Variants in NADK observed in about 807,000 individuals in gnomAD.
The protein encoded by NADK is poly(P)/ATP NAD kinase.
In NADK, 22 loss-of-function variants were observed where a neutral mutation model predicts 49.8. That is an observed-to-expected ratio of 0.44 (90% confidence interval 0.32 to 0.63). The LOEUF is 0.63. NADK is among the 30% of genes least tolerant of loss of function. NADK has a pLI of 0.06. For missense variants in NADK, 438 were observed against 609.4 expected, an observed-to-expected ratio of 0.72 and a Z score of 2.96; for synonymous variants, 268 against 253.7, an observed-to-expected ratio of 1.06 and a Z score of -0.54.
intron 2 of NADK, among the ~76,000 whole-genome samples, chr1:1,764,900 CAA>C (rs1312499069): frequency 6.6e-6 from 1 of 151,988 alleles, no homozygotes; most frequent in African/African-American, 2.4e-5. Context: ...GACTCAGTCT[CAA>C]AAAAAAGTTT....
In NADK at chr1:1,752,908, C is replaced by CCCT. The variant is rs71578334; in HGVS notation, c.1334_1336dup (p.Glu445dup). ...GGGCCTGGATAGGGGCTTGACCTAG[C>CCCT]CCTCCTCCTCCTCCTCCTCCTCCTC... On this transcript the variant is annotated inframe_insertion, in exon 12 of 12. Coordinates refer to ENST00000341426, the MANE Select transcript of NADK (RefSeq NM_023018.5). 0.4 allele frequency: 602,441 copies of CCCT among 1,525,002 alleles called. 80,559 individuals are homozygous for CCCT. Among genetic ancestry groups the CCCT allele is most frequent in the Admixed American group, 0.47 (24,022 of 51,626 alleles). 94.5% of individuals were successfully genotyped at this position (1,525,002 alleles called of 1,614,324 possible). A position where few individuals can be genotyped will look rare whatever the true frequency, so the allele number is the denominator to read the frequency against.
intron 3 of NADK, chr1:1,758,332 G>C (rs758063972): frequency 1.9e-6 from 3 of 1,584,842 alleles, no homozygotes; most frequent in Non-Finnish European, 2.6e-6. Flanking sequence ...TTAGCCCATC[G>C]CTTGTGACCT....
chr1:1,757,309 G>C lies in NADK; in HGVS notation c.265C>G (p.His89Asp), dbSNP rs778452853. Reference sequence around the variant, plus strand: ...CGCTGGCTCGCGGGGTCCTGAATGTGCCTTTAGGGGAGGAGAAAAGAGTTC... The same window carrying C: ...CGCTGGCTCGCGGGGTCCTGAATGTCCCTTTAGGGGAGGAGAAAAGAGTTC... ...CVLQNPQTIMHIQDPASQRLT... is the reference protein window; with the variant it reads ...CVLQNPQTIMDIQDPASQRLT... Residue 89 changes from histidine to aspartate, a missense_variant and splice_region_variant, in exon 4 of 12, where the codon CAC (histidine) becomes GAC (aspartate). His to Asp is a moderately conservative substitution (Grantham distance 81). Coordinates refer to ENST00000341426, the MANE Select transcript of NADK (RefSeq NM_023018.5). 1 of 1,612,626 alleles carries C rather than the reference G, an allele frequency of 6.2e-7. No individual in the cohort carries two copies. The highest frequency in any genetic ancestry group is 1.1e-5 in the South Asian group (1 of 91,054).
intron 1 of NADK, among the ~76,000 whole-genome samples, chr1:1,776,450 C>A (rs1268936060): frequency 7.3e-6 from 1 of 136,606 alleles, no homozygotes; most frequent in African/African-American, 2.4e-5. Context: ...AACCCACCTC[C>A]AAGTTCAAAT....
At chr1:1,775,518 C>T (rs945742887) in intron 1 of NADK, among the ~76,000 whole-genome samples, 5 of 152,192 alleles carry the variant, frequency 3.3e-5, no homozygotes, top group African/African-American at 9.7e-5. Context: ...GAAAGTGCTA[C>T]AGCCATGTGA....
At position 1,758,546 on chromosome 1, in the gene NADK, CTG is replaced by C. The variant is rs773379184; in HGVS notation, c.264-1238_264-1237del. ...GGCCGCCCCATCGGTATGGTCCTGACTGTGCGCCCACACTAGAAGCCTAAGCT... is the reference window on the plus strand; with the variant it reads ...GGCCGCCCCATCGGTATGGTCCTGACTGCGCCCACACTAGAAGCCTAAGCT... On this transcript the variant is annotated intron_variant, in intron 3 of 11. Coordinates refer to ENST00000341426, the MANE Select transcript of NADK (RefSeq NM_023018.5). 1.9e-6 allele frequency: 3 copies of C among 1,583,924 alleles called. No homozygotes were observed. In the South Asian group the frequency reaches 3.4e-5, roughly 18 times the overall value.
At chr1:1,773,289 G>A (rs886949579) in intron 1 of NADK, among the ~76,000 whole-genome samples, 49 of 150,954 alleles carry the variant, frequency 3.2e-4, no homozygotes, top group Non-Finnish European at 5.2e-4. Context: ...ACAGGTGCCC[G>A]CCGCCACACC....
intron 1 of NADK, among the ~76,000 whole-genome samples, chr1:1,776,901 ACT>A (rs1175771341): frequency 1.3e-5 from 2 of 150,974 alleles, no homozygotes; most frequent in African/African-American, 2.4e-5. Context: ...ACACAGTGAG[ACT>A]CTATCTCTAC....
chr1:1,759,047 C>T, intron 3 of NADK: 1 of 1,470,744 alleles, frequency 6.8e-7, no homozygotes, highest in Non-Finnish European at 9.1e-7. Context: ...GCCAGCAAAG[C>T]CCCCGCCCTG....
chr1:1,758,868 C>G (rs1464567483), intron 3 of NADK, among the ~76,000 whole-genome samples: 1 of 152,200 alleles, frequency 6.6e-6, no homozygotes, highest in Non-Finnish European at 1.5e-5. Flanking sequence ...CTCGCCCCAG[C>G]ACTGCGCCAG....
chr1:1,770,151 G>GT (rs1003029625), intron 1 of NADK, among the ~76,000 whole-genome samples: 5 of 151,670 alleles, frequency 3.3e-5, no homozygotes, highest in African/African-American at 1.2e-4. Context: ...TCCAGCCTGG[G>GT]TGACAGAGTG....
chr1:1,760,064 G>A (rs974879104), intron 3 of NADK, among the ~76,000 whole-genome samples: 1 of 152,234 alleles, frequency 6.6e-6, no homozygotes, highest in Non-Finnish European at 1.5e-5. Flanking sequence ...GTGCAGGGAA[G>A]GGATGGTGAG....
rs1368642787 is a variant in NADK at position 1,773,673 on chromosome 1, A to ATT, written c.-41+4614_-41+4615dup. Among the ~76,000 whole-genome samples, 3 of 131,758 alleles carry ATT rather than the reference A, an allele frequency of 2.3e-5. No individual in the cohort carries two copies. The East Asian group carries it at 7.2e-4, about 32-fold the overall frequency. 86.4% of individuals were successfully genotyped at this position (131,758 alleles called of 152,430 possible). ...TACTGCTACATTACCTAGAAGCTCT[A>ATT]TTTTGTGTGTGTGTGTGTGTGTGTG... On this transcript the variant is annotated intron_variant, in intron 1 of 11. Transcript: ENST00000341426.
intron 1 of NADK, among the ~76,000 whole-genome samples, chr1:1,773,678 G>T (rs941169288): frequency 1.5e-4 from 3 of 20,322 alleles, no homozygotes; most frequent in South Asian, 2.9e-3. Flanking sequence ...GCTCTATTTT[G>T]TGTGTGTGTG....
intron 7 of NADK, 66 bp downstream of exon 7, chr1:1,755,308 C>A: frequency 8.6e-7 from 1 of 1,157,348 alleles, no homozygotes; most frequent in Non-Finnish European, 1.3e-6. Flanking sequence ...ATAAACCCCC[C>A]GCAAGCAAGC....
At chr1:1,755,054 C>T (rs1323352355) in intron 7 of NADK, among the ~76,000 whole-genome samples, 5 of 152,116 alleles carry the variant, frequency 3.3e-5, no homozygotes, top group Non-Finnish European at 5.9e-5. Flanking sequence ...CTCTTGACCT[C>T]GTGATCCGCC....
chr1:1,772,351 A>G (rs1340464355), intron 1 of NADK, among the ~76,000 whole-genome samples: 3 of 152,006 alleles, frequency 2.0e-5, no homozygotes, highest in Non-Finnish European at 2.9e-5. Flanking sequence ...TTTTGTAGAG[A>G]TGAGGTTTTG....
At chr1:1,763,126 C>T (rs1645778785) in intron 2 of NADK, among the ~76,000 whole-genome samples, 1 of 152,264 alleles carries the variant, frequency 6.6e-6, no homozygotes, top group Non-Finnish European at 1.5e-5. Context: ...CTGAGGGCTG[C>T]TCCACAGGTG....
rs1454224221 is a variant in NADK at position 1,756,232 on chromosome 1, T to C, written c.585+26A>G. 2.5e-6 allele frequency: 4 copies of C among 1,603,772 alleles called. No homozygotes were observed. In the African/African-American group the frequency reaches 5.4e-5, roughly 21 times the overall value. On this transcript the variant is annotated intron_variant, in intron 6 of 11. Transcript: ENST00000341426. ...GCAGCACCTAGACTAGAACCTGGTG[T>C]GGGTCTGGAAATGTCAGCGCTTCAC...
Sources: allele counts gnomAD v4.1 joint callset (sites outside exome capture counted in the v4.1 genomes callset), GRCh38; gene constraint gnomAD v4.1.1; transcripts MANE v1.5; gene names NCBI Gene and HGNC (gene_info 2026-07-23, HGNC 2026-07-21).